Variants in COLGALT2 observed in about 807,000 individuals in gnomAD.
The protein encoded by COLGALT2 is procollagen galactosyltransferase 2.
Under a neutral mutation model 73.4 loss-of-function variants are expected in COLGALT2, and 49 were observed. The ratio of observed to expected loss-of-function variants is 0.67; its 90% CI spans 0.53 to 0.85. The LOEUF is 0.85. COLGALT2 is among the 40% of genes least tolerant of loss of function. COLGALT2 has a pLI of 0.00. For synonymous variants in COLGALT2, 295 were observed against 307.6 expected (o/e 0.96, Z 0.43); for missense variants, 722 against 790.2 (o/e 0.91, Z 1.03).
At chr1:183,977,735 A>C (rs1002754296) in intron 2 of COLGALT2, among the ~76,000 whole-genome samples, 2 of 151,680 alleles carry the variant, frequency 1.3e-5, no homozygotes, top group Non-Finnish European at 1.5e-5. Context: ...GTTACAGTGG[A>C]GCTATGGTCA....
At chr1:183,983,218 T>C (rs901361261) in intron 1 of COLGALT2, among the ~76,000 whole-genome samples, 19 of 152,292 alleles carry the variant, frequency 1.2e-4, no homozygotes, top group African/African-American at 4.6e-4. Flanking sequence ...GGTGCATGAA[T>C]CCTGGTCTTT....
intron 1 of COLGALT2, among the ~76,000 whole-genome samples, chr1:184,020,234 G>A (rs148019907): frequency 1.6e-3 from 241 of 152,320 alleles, no homozygotes; most frequent in Middle Eastern, 3.4e-3. Flanking sequence ...GGATGCAGAG[G>A]ATGTTAAGGT....
intron 1 of COLGALT2, among the ~76,000 whole-genome samples, chr1:184,006,624 A>T (rs1044516346): frequency 4.0e-5 from 6 of 151,362 alleles, no homozygotes; most frequent in Non-Finnish European, 4.4e-5. Flanking sequence ...TAATAATAAT[A>T]AAAAGATTAT....
At chr1:184,023,813 G>T (rs1649249534) in intron 1 of COLGALT2, among the ~76,000 whole-genome samples, 1 of 152,036 alleles carries the variant, frequency 6.6e-6, no homozygotes, top group South Asian at 2.1e-4. Context: ...TTCAGACCTG[G>T]AACTATCTCC....
rs972692318 is a variant in COLGALT2 at position 183,937,724 on chromosome 1, C to T, written c.*1037G>A. The T allele has an allele frequency of 3.0e-6, 3 of 985,424 alleles. No homozygotes were observed. In the African/African-American group the frequency reaches 5.2e-5, roughly 17 times the overall value. 61.0% of individuals were successfully genotyped at this position (985,424 alleles called of 1,614,324 possible). ...GAAGTCTGCAACATCTGTTTCTCTG[C>T]CTTATCCTAAAGACAATATCTTCGC... On this transcript the variant is annotated 3_prime_UTR_variant, in exon 12 of 12. Transcript: ENST00000361927.
At chr1:183,974,342 G>A (rs997085429) in intron 3 of COLGALT2, among the ~76,000 whole-genome samples, 9 of 152,090 alleles carry the variant, frequency 5.9e-5, no homozygotes, top group Admixed American at 1.3e-4. Flanking sequence ...TAATCATACT[G>A]AACTATACAC....
At chr1:183,970,460 C>T (rs1671006811) in intron 4 of COLGALT2, among the ~76,000 whole-genome samples, 1 of 152,174 alleles carries the variant, frequency 6.6e-6, no homozygotes, top group African/African-American at 2.4e-5. Flanking sequence ...GGTTACATTT[C>T]CTGTTGTAAT....
chr1:183,942,381 T>A (rs933137008), intron 10 of COLGALT2, among the ~76,000 whole-genome samples: 11 of 152,210 alleles, frequency 7.2e-5, no homozygotes, highest in Admixed American at 6.5e-4. Flanking sequence ...TTTTAAAATA[T>A]TAATTACATA....
intron 4 of COLGALT2, among the ~76,000 whole-genome samples, chr1:183,972,710 TC>T (rs527673027): frequency 5.9e-5 from 9 of 151,648 alleles, no homozygotes; most frequent in South Asian, 2.1e-4. Flanking sequence ...TTTTTTTTTT[TC>T]TTTTTTGAGA....
Position 183,938,117 on chromosome 1 carries a change from A to C in COLGALT2, c.*644T>G. The C allele has an allele frequency of 1.0e-6, 1 of 986,088 alleles. No homozygotes were observed. Among genetic ancestry groups the C allele is most frequent in the African/African-American group, 1.7e-5 (1 of 57,330 alleles). 61.1% of individuals were successfully genotyped at this position (986,088 alleles called of 1,614,324 possible). On this transcript the variant is annotated 3_prime_UTR_variant, in exon 12 of 12. Transcript: ENST00000361927. ...GGCAAACTGGTCACCTCTATATGAG[A>C]ACTCCAACTGCCATGATGGTCACAG...
chr1:183,977,839 A>AGAGAGAGAG (rs59696449), intron 2 of COLGALT2, among the ~76,000 whole-genome samples: 3 of 147,156 alleles, frequency 2.0e-5, no homozygotes, highest in African/African-American at 7.8e-5. Context: ...AGAGAGAAAG[A>AGAGAGAGAG]AGAGAAGAGA....
intron 1 of COLGALT2, among the ~76,000 whole-genome samples, chr1:183,980,406 G>C (rs1432470463): frequency 6.6e-6 from 1 of 151,978 alleles, no homozygotes; most frequent in Non-Finnish European, 1.5e-5. Flanking sequence ...AGATTGATTT[G>C]AAAGAAAAAT....
At chr1:183,990,555 G>A (rs1402607470) in intron 1 of COLGALT2, among the ~76,000 whole-genome samples, 1 of 152,224 alleles carries the variant, frequency 6.6e-6, no homozygotes, top group Non-Finnish European at 1.5e-5. Context: ...AGGTCTCCAA[G>A]TGCCAGGGAG....
chr1:183,968,685 G>A (rs1196711790), intron 5 of COLGALT2, among the ~76,000 whole-genome samples: 1 of 152,056 alleles, frequency 6.6e-6, no homozygotes, highest in Non-Finnish European at 1.5e-5. Flanking sequence ...CACTTCAAGG[G>A]ACAGGGAGAG....
intron 4 of COLGALT2, among the ~76,000 whole-genome samples, chr1:183,969,869 G>C (rs118036337): frequency 6.6e-6 from 1 of 152,262 alleles, no homozygotes; most frequent in East Asian, 1.9e-4. Flanking sequence ...ATTGTCTGTA[G>C]GTATGGGTCA....
At position 183,963,971 on chromosome 1, in the gene COLGALT2, G is replaced by A. The variant is rs756680377; in HGVS notation, c.882C>T (p.Ile294=). The part of the protein sequence containing the change: ...CNREHYGYLP[I]PLKPHQTLQE... ...GCAGTGTCTGATGGGGCTTCAGGGG[G>A]ATGGGCAGGTAGCCATAGTGCTCTC... Residue 294 remains isoleucine (I), a synonymous_variant, in exon 6 of 12, where the codon ATC becomes ATT. Transcript: ENST00000361927. 6.2e-7 allele frequency: 1 copy of A among 1,613,626 alleles called. No individual in the cohort carries two copies. The highest frequency in any genetic ancestry group is 8.5e-7 in the Non-Finnish European group (1 of 1,179,750).
intron 1 of COLGALT2, among the ~76,000 whole-genome samples, chr1:183,991,559 T>C (rs1217900339): frequency 6.6e-6 from 1 of 152,230 alleles, no homozygotes; most frequent in East Asian, 1.9e-4. Context: ...ACCTGTTGTC[T>C]TGGTTCCAGG....
chr1:183,934,242 C>T (rs563998738), downstream of COLGALT2, among the ~76,000 whole-genome samples: 88 of 152,324 alleles, frequency 5.8e-4, 1 homozygote, highest in African/African-American at 1.9e-3. Flanking sequence ...CCATTTTTCA[C>T]GTAATCTTTT....
chr1:183,950,249 A>T (rs770725670), intron 8 of COLGALT2, among the ~76,000 whole-genome samples: 2 of 152,094 alleles, frequency 1.3e-5, no homozygotes, highest in Non-Finnish European at 1.5e-5. Context: ...GGGGACTCTG[A>T]TGTGAGTGTC....
Sources: allele counts gnomAD v4.1 joint callset (sites outside exome capture counted in the v4.1 genomes callset), GRCh38; gene constraint gnomAD v4.1.1; transcripts MANE v1.5; gene names NCBI Gene and HGNC (gene_info 2026-07-23, HGNC 2026-07-21).